The following NCOA2 variants were observed in gnomAD, a reference collection of about 807,000 sequenced individuals.
NCOA2 encodes nuclear receptor coactivator 2.
Under a neutral mutation model 145.1 loss-of-function variants are expected in NCOA2, and 21 were observed. That is an observed-to-expected ratio of 0.14 (90% confidence interval 0.10 to 0.21). NCOA2 has a LOEUF of 0.21. NCOA2 is among the 10% of genes least tolerant of loss of function. NCOA2 has a pLI of 1.00. For synonymous variants in NCOA2, 619 were observed against 637.5 expected (o/e 0.97, Z 0.44); for missense variants, 1,472 against 1,837.6 (o/e 0.80, Z 3.64).
intron 21 of NCOA2, among the ~76,000 whole-genome samples, chr8:70,122,806 C>CA (rs1429524869): frequency 1.3e-5 from 2 of 152,330 alleles, no homozygotes; most frequent in African/African-American, 4.8e-5. Flanking sequence ...TAGATCTAAT[C>CA]AAACTCTTCA....
At chr8:70,256,530 T>C (rs899429744) in intron 2 of NCOA2, among the ~76,000 whole-genome samples, 5 of 152,178 alleles carry the variant, frequency 3.3e-5, no homozygotes, top group African/African-American at 1.2e-4. Context: ...ATTGTAAAGG[T>C]GCCCCATTCT....
At chr8:70,170,107 T>C in intron 6 of NCOA2, 95 bp downstream of exon 6, 1 of 1,192,236 alleles carries the variant, frequency 8.4e-7, no homozygotes, top group Non-Finnish European at 1.2e-6. Flanking sequence ...TATAATATAG[T>C]TTTATTTGAT....
At chr8:70,214,098 TA>T (rs768944622) in intron 3 of NCOA2, 23 bp from the exon 4 acceptor site, 1 of 1,579,872 alleles carries the variant, frequency 6.3e-7, no homozygotes, top group East Asian at 2.2e-5. Flanking sequence ...AACACATTTT[TA>T]TGATGTATTT....
chr8:70,123,353 A>G (rs1808040375), intron 21 of NCOA2, among the ~76,000 whole-genome samples: 1 of 152,196 alleles, frequency 6.6e-6, no homozygotes, highest in South Asian at 2.1e-4. Context: ...TAAATCCATT[A>G]TTAAACTATA....
At chr8:70,445,485 C>G in the NCOA2 span, among the ~76,000 whole-genome samples, 1 of 152,156 alleles carries the variant, frequency 6.6e-6, no homozygotes, top group Non-Finnish European at 1.5e-5. Flanking sequence ...AGAGGAGGAG[C>G]TGATCTCACT....
the NCOA2 span, among the ~76,000 whole-genome samples, chr8:70,415,608 G>C: frequency 9.3e-4 from 142 of 152,240 alleles, 2 homozygotes; most frequent in African/African-American, 3.4e-3. Context: ...TTGTGGGCGG[G>C]AATATTGGGT....
intron 16 of NCOA2, among the ~76,000 whole-genome samples, chr8:70,131,096 T>C (rs1809041636): frequency 6.6e-6 from 1 of 152,158 alleles, no homozygotes; most frequent in Non-Finnish European, 1.5e-5. Flanking sequence ...CGCTTAAACA[T>C]CCCCAAAATT....
the NCOA2 span, among the ~76,000 whole-genome samples, chr8:70,431,334 CT>C: frequency 1.3e-5 from 2 of 152,064 alleles, no homozygotes; most frequent in Non-Finnish European, 2.9e-5. Flanking sequence ...CTAAAATAAG[CT>C]CAATACTTCA....
the NCOA2 span, among the ~76,000 whole-genome samples, chr8:70,442,195 T>C: frequency 6.6e-5 from 8 of 121,074 alleles, no homozygotes; most frequent in East Asian, 2.0e-3. Flanking sequence ...TTTAGGCCGA[T>C]GAGAGAAGCT....
Position 70,109,991 on chromosome 8 carries a change from G to T in NCOA2, c.*3641C>A, listed in dbSNP as rs1182621690. 5.2e-6 allele frequency: 1 copy of T among 193,298 alleles called. No individual in the cohort carries two copies. The highest frequency in any genetic ancestry group is 1.1e-5 in the Non-Finnish European group (1 of 92,672). The allele number at this position is 193,298 out of a possible 1,614,324, so 12.0% of individuals were successfully genotyped here. A position where few individuals can be genotyped will look rare whatever the true frequency, so the allele number is the denominator to read the frequency against. On this transcript the variant is annotated 3_prime_UTR_variant, in exon 23 of 23. Transcript: ENST00000452400. ...AAACATCAATGCAGGTGAACAAAGT[G>T]ATGTTCAGAGTCAACTCCATTTTGA...
rs756809260 is a variant in NCOA2 at position 70,126,861 on chromosome 8, G to A, written c.3868C>T (p.Arg1290Trp). The A allele has an allele frequency of 1.2e-6, 2 of 1,614,002 alleles. No individual in the cohort carries two copies. Among genetic ancestry groups the A allele is most frequent in the Non-Finnish European group, 1.7e-6 (2 of 1,179,892 alleles). Residue 1290 changes from arginine (R) to tryptophan (W), a missense_variant, in exon 19 of 23, where the codon CGG (arginine) becomes TGG (tryptophan). This residue lies in a region of NCOA2 where 232 missense variants were observed against 290.6 expected (regional missense o/e 0.80). Coordinates refer to ENST00000452400, the MANE Select transcript of NCOA2 (RefSeq NM_006540.4). ...TGCTGTGCATTTGCCTGGGGAATCC[G>A]AGGGTTGCTCATAGTTGCTGGCATA... ...SGMPATMSNP[R>W]IPQANAQQFP...
the NCOA2 span, among the ~76,000 whole-genome samples, chr8:70,450,419 C>T: frequency 6.6e-6 from 1 of 152,078 alleles, no homozygotes; most frequent in African/African-American, 2.4e-5. Context: ...GGAAGTGGGC[C>T]CTCACCAGAC....
intron 4 of NCOA2, among the ~76,000 whole-genome samples, chr8:70,197,524 CA>C (rs1817457458): frequency 6.6e-6 from 1 of 152,232 alleles, no homozygotes; most frequent in East Asian, 1.9e-4. Flanking sequence ...CCCACAACGA[CA>C]GGGACAGTGC....
At chr8:70,310,787 T>C (rs1339139867) in intron 1 of NCOA2, among the ~76,000 whole-genome samples, 25 of 152,190 alleles carry the variant, frequency 1.6e-4, no homozygotes, top group Admixed American at 1.6e-3. Context: ...TTTTAACTGC[T>C]CCTTTTATTA....
intron 1 of NCOA2, among the ~76,000 whole-genome samples, chr8:70,304,856 C>CTT (rs34611471): frequency 5.0e-4 from 63 of 125,714 alleles, no homozygotes; most frequent in African/African-American, 1.7e-3. Context: ...AAGTAACTAG[C>CTT]TTTTTTTTTT....
chr8:70,241,592 C>G (rs1822133520), intron 2 of NCOA2, among the ~76,000 whole-genome samples: 1 of 152,140 alleles, frequency 6.6e-6, no homozygotes, highest in Admixed American at 6.6e-5. Flanking sequence ...TGTCCTCATT[C>G]TAGAATAAAT....
intron 2 of NCOA2, among the ~76,000 whole-genome samples, chr8:70,228,198 G>C (rs1003358205): frequency 1.3e-5 from 2 of 152,022 alleles, no homozygotes; most frequent in African/African-American, 4.8e-5. Flanking sequence ...ATGGATTTTG[G>C]TAATCATCAA....
At chr8:70,142,624 G>A (rs1415220769) in intron 13 of NCOA2, among the ~76,000 whole-genome samples, 1 of 152,090 alleles carries the variant, frequency 6.6e-6, no homozygotes, top group East Asian at 1.9e-4. Context: ...ACTTGAGCCT[G>A]GGAGGTTGAA....
At chr8:70,138,063 C>T (rs1809948897) in intron 15 of NCOA2, 140 bp downstream of exon 15, 1 of 822,822 alleles carries the variant, frequency 1.2e-6, no homozygotes, top group Non-Finnish European at 1.8e-6. Flanking sequence ...TCTGGATTCA[C>T]CCCTCCTCTT....
Sources: gnomAD v4.1 joint callset for allele counts (sites outside exome capture counted in the v4.1 genomes callset) on GRCh38, gnomAD v4.1.1 for gene constraint, gnomAD v4.1.1 regional missense constraint, MANE v1.5 for transcripts, NCBI Gene and HGNC (gene_info 2026-07-23, HGNC 2026-07-21) for gene names.